GTF2A1L: variants seen among roughly 807,000 people sequenced by gnomAD.
The protein encoded by GTF2A1L is general transcription factor IIA subunit 1 like.
In GTF2A1L, 48 loss-of-function variants were observed where a neutral mutation model predicts 49.7. That is an observed-to-expected ratio of 0.97 (90% CI 0.77 to 1.23). The LOEUF (loss-of-function observed/expected upper bound fraction) is 1.23, where lower values mean the gene tolerates loss of function less well. Ranked by LOEUF, GTF2A1L falls within the 50% of genes most tolerant of loss-of-function variation. The pLI is 0.00. For synonymous variants in GTF2A1L, 246 were observed against 193.5 expected (o/e 1.27, Z -2.25); for missense variants, 736 against 564.8 (o/e 1.30, Z -3.07).
At chr2:48,666,621 G>A (rs1678861345) in intron 6 of GTF2A1L, among the ~76,000 whole-genome samples, 1 of 151,840 alleles carries the variant, frequency 6.6e-6, no homozygotes, top group Non-Finnish European at 1.5e-5. Context: ...GTTTGTGTGT[G>A]TGTGTGTTTG....
rs1679084196 is a variant in GTF2A1L at position 48,670,075 on chromosome 2, T to A, written c.1239+93T>A. ...GAACCAAAAGGAATAGCAAGATTAA[T>A]CTTTTCTTTACTCTTTTGAAATAAG... On this transcript the variant is annotated intron_variant, in intron 7 of 8. Transcript: ENST00000403751. 2.0e-6 allele frequency: 3 copies of A among 1,484,832 alleles called. No individual in the cohort carries two copies. The East Asian group carries it at 7.0e-5, about 35-fold the overall frequency. The allele number at this position is 1,484,832 out of a possible 1,614,324, so 92.0% of individuals were successfully genotyped here. A position where few individuals can be genotyped will look rare whatever the true frequency, so the allele number is the denominator to read the frequency against.
intron 1 of GTF2A1L, among the ~76,000 whole-genome samples, chr2:48,619,581 G>C (rs1010863858): frequency 2.6e-4 from 39 of 152,062 alleles, no homozygotes; most frequent in African/African-American, 9.2e-4. Context: ...GAATAGGGTA[G>C]GATGAAAAGG....
At chr2:48,668,582 A>T (rs1195000122) in intron 6 of GTF2A1L, 1 of 152,386 alleles carries the variant, frequency 6.6e-6, no homozygotes, top group Non-Finnish European at 1.5e-5. Context: ...CTGTAATCTC[A>T]GCACTTTGGG....
At chr2:48,664,594 C>T (rs994669955) in intron 6 of GTF2A1L, among the ~76,000 whole-genome samples, 13 of 152,064 alleles carry the variant, frequency 8.5e-5, no homozygotes, top group Non-Finnish European at 1.3e-4. Flanking sequence ...GTATCTGTAT[C>T]TCTTCTGTTT....
chr2:48,679,531 G>T lies in GTF2A1L; in HGVS notation c.*89G>T, dbSNP rs1679656091. 5.3e-6 allele frequency: 8 copies of T among 1,523,552 alleles called. No individual in the cohort carries two copies. Among genetic ancestry groups the T allele is most frequent in the South Asian group, 1.3e-5 (1 of 76,178 alleles). The allele number at this position is 1,523,552 out of a possible 1,614,324, so 94.4% of individuals were successfully genotyped here. A position where few individuals can be genotyped will look rare whatever the true frequency, so the allele number is the denominator to read the frequency against. On this transcript the variant is annotated 3_prime_UTR_variant, in exon 9 of 9. Transcript: ENST00000403751. Reference sequence around the variant, plus strand: ...TCATTTTTATTTTGAATATAGTCCAGCACAGAGCTGTTCAAATTTTTAGTT... The same window carrying T: ...TCATTTTTATTTTGAATATAGTCCATCACAGAGCTGTTCAAATTTTTAGTT...
chr2:48,617,912 G>A lies in GTF2A1L; in HGVS notation c.21+17G>A, dbSNP rs1675751075. Reference sequence around the variant, plus strand: ...AACCCGGTGGTAAGGAAGACCTCAGGCTCTGTGTAGAGGGAGCGCCCTGGG... The same window carrying A: ...AACCCGGTGGTAAGGAAGACCTCAGACTCTGTGTAGAGGGAGCGCCCTGGG... On this transcript the variant is annotated intron_variant, in intron 1 of 8. Transcript: ENST00000403751. 4 of 1,551,744 alleles carry A rather than the reference G, an allele frequency of 2.6e-6. No individual in the cohort carries two copies. Among genetic ancestry groups the A allele is most frequent in the Non-Finnish European group, 3.5e-6 (4 of 1,146,980 alleles).
chr2:48,656,832 T>G (rs536835237), intron 6 of GTF2A1L, among the ~76,000 whole-genome samples: 5 of 152,218 alleles, frequency 3.3e-5, no homozygotes, highest in Non-Finnish European at 7.4e-5. Flanking sequence ...GTTTTAGTTC[T>G]TATCTTTAGC....
intron 4 of GTF2A1L, among the ~76,000 whole-genome samples, chr2:48,642,787 C>T (rs1028496748): frequency 8.6e-5 from 13 of 150,972 alleles, no homozygotes; most frequent in Admixed American, 6.6e-5. Flanking sequence ...ACCTGGGAGG[C>T]GGAGGTTGCA....
At position 48,642,437 on chromosome 2, in the gene GTF2A1L, A is replaced by C. The variant is rs1315596116; in HGVS notation, c.283A>C (p.Ser95Arg). 1 of 1,593,800 alleles carries C rather than the reference A, an allele frequency of 6.3e-7. No individual in the cohort carries two copies. The highest frequency in any genetic ancestry group is 2.2e-5 in the East Asian group (1 of 44,592). The change falls in exon 4 of 9, where the codon AGT becomes CGT. Residue 95 changes from serine (S) to arginine (R), a missense_variant. Coordinates refer to ENST00000403751, the MANE Select transcript of GTF2A1L (RefSeq NM_006872.5). Reference protein sequence around the residue: ...LVIPAGRTLPSFTTAELGTSN... With the variant: ...LVIPAGRTLPRFTTAELGTSN... ...TATTCCTGCTGGTAGAACTCTTCCAAGTTTTACCACAGCAGAACTGGTATG... is the reference window on the plus strand; with the variant it reads ...TATTCCTGCTGGTAGAACTCTTCCACGTTTTACCACAGCAGAACTGGTATG...
Position 48,626,957 on chromosome 2 carries a change from A to T in GTF2A1L, c.247+5667A>T, listed in dbSNP as rs1344714993. Among the ~76,000 whole-genome samples, 2 of 143,682 alleles carry T rather than the reference A, an allele frequency of 1.4e-5. 1 individual carries two copies. The highest frequency in any genetic ancestry group is 3.1e-5 in the Non-Finnish European group (2 of 63,896). 94.3% of individuals were successfully genotyped at this position (143,682 alleles called of 152,430 possible). ...GATAGGTAGTTATTTGTGTACACAAATCCCACTGATTTTTTTTGTTGATTT... is the reference window on the plus strand; with the variant it reads ...GATAGGTAGTTATTTGTGTACACAATTCCCACTGATTTTTTTTGTTGATTT... On this transcript the variant is annotated intron_variant, in intron 3 of 8. Transcript: ENST00000403751.
At chr2:48,618,134 T>A in intron 1 of GTF2A1L, 1 of 525,838 alleles carries the variant, frequency 1.9e-6, no homozygotes, top group Non-Finnish European at 3.4e-6. Flanking sequence ...TTTCTCTTTT[T>A]ACCCAAACTG....
chr2:48,633,048 T>C, intron 3 of GTF2A1L: 1 of 251,594 alleles, frequency 4.0e-6, no homozygotes. Context: ...GTCTCTGTTC[T>C]TCATGTTGGC....
At chr2:48,670,955 C>G (rs941370303) in intron 7 of GTF2A1L, among the ~76,000 whole-genome samples, 1 of 151,924 alleles carries the variant, frequency 6.6e-6, no homozygotes, top group Non-Finnish European at 1.5e-5. Flanking sequence ...TCCTGAGTAG[C>G]TAGGATTACA....
chr2:48,632,391 G>GT (rs770302491), intron 3 of GTF2A1L: 1,485 of 140,284 alleles, frequency 0.011, 32 homozygotes, highest in African/African-American at 0.03. Context: ...CAAGTTTTTT[G>GT]TTTTTTTTTT....
At chr2:48,634,651 T>C (rs1053125071) in intron 3 of GTF2A1L, among the ~76,000 whole-genome samples, 8 of 152,206 alleles carry the variant, frequency 5.3e-5, no homozygotes, top group African/African-American at 1.7e-4. Flanking sequence ...CCTGTGCTTA[T>C]GAAACTTAAC....
chr2:48,674,379 T>G (rs200472363), intron 8 of GTF2A1L, among the ~76,000 whole-genome samples: 303 of 152,302 alleles, frequency 2.0e-3, no homozygotes, highest in African/African-American at 7.0e-3. Context: ...TTAGCCTTTT[T>G]TTTTTCCAGT....
chr2:48,675,454 GA>G (rs1268170786), intron 8 of GTF2A1L, among the ~76,000 whole-genome samples: 17 of 151,966 alleles, frequency 1.1e-4, no homozygotes, highest in South Asian at 2.1e-4. Flanking sequence ...CAATTGGGGG[GA>G]AAACTTTGAA....
At chr2:48,676,096 A>G (rs1165834080) in intron 8 of GTF2A1L, among the ~76,000 whole-genome samples, 4 of 151,964 alleles carry the variant, frequency 2.6e-5, no homozygotes, top group Admixed American at 1.3e-4. Context: ...ATTCAAATAC[A>G]AATACAAAAG....
intron 8 of GTF2A1L, among the ~76,000 whole-genome samples, chr2:48,676,910 T>A (rs1679496935): frequency 6.7e-6 from 1 of 148,768 alleles, no homozygotes; most frequent in African/African-American, 2.4e-5. Context: ...ATGTAACATA[T>A]GGTTTCAACT....
Sources: gnomAD v4.1 joint callset for allele counts (sites outside exome capture counted in the v4.1 genomes callset) on GRCh38, gnomAD v4.1.1 for gene constraint, MANE v1.5 for transcripts, NCBI Gene and HGNC (gene_info 2026-07-23, HGNC 2026-07-21) for gene names.